Variants in NEIL3 observed in about 807,000 individuals in gnomAD.
NEIL3 encodes nei like DNA glycosylase 3, also known as endonuclease 8-like 3.
Under a neutral mutation model 57.5 loss-of-function variants are expected in NEIL3, and 48 were observed. That is an observed-to-expected ratio of 0.83 (90% CI 0.66 to 1.06). The LOEUF (loss-of-function observed/expected upper bound fraction) is 1.06. Ranked by LOEUF, NEIL3 falls within the 50% of genes least tolerant of loss-of-function variation. The probability of loss-of-function intolerance (pLI) is 0.00; values close to 1 mark genes in which losing one functional copy is unlikely to be tolerated. For missense variants in NEIL3, 717 were observed against 739.1 expected, an observed-to-expected ratio of 0.97 and a Z score of 0.35; for synonymous variants, 261 against 253.2, an observed-to-expected ratio of 1.03 and a Z score of -0.29.
chr4:177,370,292 A>G, the NEIL3 span, among the ~76,000 whole-genome samples: 12 of 152,220 alleles, frequency 7.9e-5, no homozygotes, highest in Admixed American at 6.5e-4. Context: ...GAATGTTATT[A>G]CCAAAACTAA....
chr4:177,364,043 G>T (rs28703935), downstream of NEIL3, among the ~76,000 whole-genome samples: 3,193 of 152,290 alleles, frequency 0.021, 117 homozygotes, highest in African/African-American at 0.072. Context: ...ACCATGCCCG[G>T]CCTGAAGAAA....
At chr4:177,365,198 C>G (rs1436146584), downstream of NEIL3, among the ~76,000 whole-genome samples, 1 of 152,082 alleles carries the variant, frequency 6.6e-6, no homozygotes, top group Non-Finnish European at 1.5e-5. Flanking sequence ...GGGTTCCTAC[C>G]ACATCCAAGG....
In NEIL3 at chr4:177,353,570, G is replaced by T; in HGVS notation, c.1302G>T (p.Lys434Asn). Residue 434 changes from lysine to asparagine, a missense_variant, in exon 8 of 10, where the codon AAG becomes AAT. Coordinates refer to ENST00000264596, the MANE Select transcript of NEIL3 (RefSeq NM_018248.3). The stretch of plus-strand genomic sequence containing the variant: ...TGAATGATATACAGCACCCCTCCAA[G>T]AAGACAACAAACGATATAACTCAAC... The part of the protein sequence containing the change: ...VCLNDIQHPS[K>N]KTTNDITQPS... 1 of 1,612,794 alleles carries T rather than the reference G, an allele frequency of 6.2e-7. No individual in the cohort carries two copies. Among genetic ancestry groups the T allele is most frequent in the Non-Finnish European group, 8.5e-7 (1 of 1,179,458 alleles).
At chr4:177,360,801 C>T (rs1407425938) in intron 9 of NEIL3, 124 bp downstream of exon 9, 7 of 702,200 alleles carry the variant, frequency 1.0e-5, no homozygotes, top group Admixed American at 3.2e-5. Flanking sequence ...GCCATATTGG[C>T]ATTCAGTCTA....
intron 1 of NEIL3, among the ~76,000 whole-genome samples, chr4:177,314,240 AG>A (rs1734528442): frequency 6.6e-6 from 1 of 152,226 alleles, no homozygotes; most frequent in Non-Finnish European, 1.5e-5. Flanking sequence ...TCATGAAACA[AG>A]GGATAACAAA....
chr4:177,320,401 A>G (rs1056198568), intron 1 of NEIL3, among the ~76,000 whole-genome samples: 4 of 150,652 alleles, frequency 2.7e-5, no homozygotes, highest in African/African-American at 9.8e-5. Context: ...ACATGGTGGC[A>G]TATACCTACA....
chr4:177,344,641 A>T (rs1293230792), intron 6 of NEIL3, among the ~76,000 whole-genome samples: 1 of 150,330 alleles, frequency 6.7e-6, no homozygotes, highest in African/African-American at 2.5e-5. Context: ...GGCTCACTGC[A>T]ACTTTCGCCT....
In NEIL3 at chr4:177,324,575, C is replaced by A. The variant is rs34526469; in HGVS notation, c.278+1995C>A. Among the ~76,000 whole-genome samples, 1,091 of 152,242 alleles carry A rather than the reference C, an allele frequency of 7.2e-3. 13 individuals are homozygous for A. Among genetic ancestry groups the A allele is most frequent in the African/African-American group, 0.025 (1,044 of 41,542 alleles). On this transcript the variant is annotated intron_variant, in intron 2 of 9. Transcript: ENST00000264596. ...GTGCTCCTGATAGTGCCAAGGAATACTAAAAATTATTTGATACACATTTAT... is the reference window on the plus strand; with the variant it reads ...GTGCTCCTGATAGTGCCAAGGAATAATAAAAATTATTTGATACACATTTAT...
chr4:177,326,518 T>A (rs549781540), intron 2 of NEIL3, among the ~76,000 whole-genome samples: 17 of 152,162 alleles, frequency 1.1e-4, no homozygotes, highest in Non-Finnish European at 2.5e-4. Context: ...TTATTCTTTT[T>A]TTTTTTCAAA....
intron 1 of NEIL3, among the ~76,000 whole-genome samples, chr4:177,320,014 A>G (rs1734648331): frequency 6.6e-6 from 1 of 152,196 alleles, no homozygotes; most frequent in Admixed American, 6.5e-5. Flanking sequence ...GATCCTGAAA[A>G]TGTACAACCT....
At chr4:177,346,515 A>G (rs929546760) in intron 6 of NEIL3, among the ~76,000 whole-genome samples, 4 of 152,078 alleles carry the variant, frequency 2.6e-5, no homozygotes, top group African/African-American at 9.7e-5. Context: ...CTTTGTTCCT[A>G]TAGCTCTGTT....
intron 1 of NEIL3, among the ~76,000 whole-genome samples, chr4:177,314,991 C>T (rs538263107): frequency 1.3e-5 from 2 of 150,530 alleles, no homozygotes; most frequent in African/African-American, 4.9e-5. Context: ...ATGGCGTGAA[C>T]CCAGGAGGTG....
chr4:177,339,880 GTGTAAAA>G (rs34138791), intron 5 of NEIL3, 23 bp downstream of exon 5: 80,135 of 1,519,478 alleles, frequency 0.053, 2,752 homozygotes, highest in Middle Eastern at 0.17. Flanking sequence ...TTTTTCAACT[GTGTAAAA>G]TGTAAAATGT....
intron 5 of NEIL3, 110 bp from the exon 6 acceptor site, chr4:177,341,366 G>C: frequency 1.2e-6 from 1 of 804,244 alleles, no homozygotes; most frequent in South Asian, 2.2e-5. Flanking sequence ...ACAAACATAT[G>C]TAAATTTTTA....
chr4:177,338,047 C>CAT (rs1431474696), intron 4 of NEIL3, among the ~76,000 whole-genome samples: 2 of 151,946 alleles, frequency 1.3e-5, no homozygotes, highest in Non-Finnish European at 2.9e-5. Context: ...CACACACACA[C>CAT]ACATTTCTGA....
At chr4:177,360,879 A>C (rs1402476514) in intron 9 of NEIL3, among the ~76,000 whole-genome samples, 3 of 152,202 alleles carry the variant, frequency 2.0e-5, no homozygotes, top group African/African-American at 4.8e-5. Flanking sequence ...AATAATAGCT[A>C]TTACATTGTT....
chr4:177,312,245 C>T (rs1188145461), intron 1 of NEIL3, among the ~76,000 whole-genome samples: 2 of 152,114 alleles, frequency 1.3e-5, no homozygotes, highest in African/African-American at 4.8e-5. Flanking sequence ...CCCAAGATCA[C>T]ATGTCTAGTA....
chr4:177,341,401 T>C (rs1181761702), intron 5 of NEIL3, 75 bp from the exon 6 acceptor site: 6 of 1,252,296 alleles, frequency 4.8e-6, no homozygotes, highest in Non-Finnish European at 6.4e-6. Context: ...GAGGTGACTT[T>C]CGAGAATGTG....
chr4:177,314,672 A>T (rs1297060544), intron 1 of NEIL3, among the ~76,000 whole-genome samples: 2 of 152,138 alleles, frequency 1.3e-5, no homozygotes, highest in African/African-American at 4.8e-5. Context: ...AAAATTGTAG[A>T]ATATGTTTTT....
Sources: allele counts gnomAD v4.1 joint callset (sites outside exome capture counted in the v4.1 genomes callset), GRCh38; gene constraint gnomAD v4.1.1; transcripts MANE v1.5; gene names NCBI Gene and HGNC (gene_info 2026-07-23, HGNC 2026-07-21).